The following POFUT3 variants were observed in gnomAD, a reference collection of about 807,000 sequenced individuals.
POFUT3 encodes the protein GDP-fucose protein O-fucosyltransferase 3.
chr8:33,309,548 C>A, the POFUT3 span, among the ~76,000 whole-genome samples: 1 of 152,022 alleles, frequency 6.6e-6, no homozygotes, highest in Non-Finnish European at 1.5e-5. Context: ...TCTCTGCTGA[C>A]CGGCCCAGTG....
the POFUT3 span, chr8:33,455,896 CA>C: frequency 3.4e-6 from 1 of 293,790 alleles, no homozygotes; most frequent in Non-Finnish European, 6.4e-6. Context: ...TATCCAAGGC[CA>C]AAAAAGAAAA....
chr8:33,413,070 AT>A, the POFUT3 span, among the ~76,000 whole-genome samples: 2 of 152,112 alleles, frequency 1.3e-5, no homozygotes, highest in East Asian at 1.9e-4. Context: ...TGTTCATTTC[AT>A]TTTTTTATTT....
chr8:33,368,812 T>C, the POFUT3 span, among the ~76,000 whole-genome samples: 1 of 152,360 alleles, frequency 6.6e-6, no homozygotes, highest in African/African-American at 2.4e-5. Flanking sequence ...AGAGGCTGTT[T>C]GAGTCTGATT....
chr8:33,426,175 G>T, the POFUT3 span, among the ~76,000 whole-genome samples: 1 of 152,130 alleles, frequency 6.6e-6, no homozygotes, highest in African/African-American at 2.4e-5. Context: ...AAAGTGGTGG[G>T]ATTACAGGTG....
the POFUT3 span, among the ~76,000 whole-genome samples, chr8:33,316,938 C>T: frequency 6.6e-6 from 1 of 152,058 alleles, no homozygotes; most frequent in Non-Finnish European, 1.5e-5. Context: ...TTAAAGGCAA[C>T]TTTTGAGCAA....
chr8:33,461,476 C>G, the POFUT3 span: 1 of 1,613,380 alleles, frequency 6.2e-7, no homozygotes, highest in Middle Eastern at 1.7e-4. Context: ...GGGTGACTGA[C>G]AGAGGGCTAA....
chr8:33,328,481 GC>G, the POFUT3 span, among the ~76,000 whole-genome samples: 1 of 152,174 alleles, frequency 6.6e-6, no homozygotes, highest in Non-Finnish European at 1.5e-5. Flanking sequence ...TCTGCCCAGA[GC>G]TTTTCACATG....
At chr8:33,312,954 C>T in the POFUT3 span, among the ~76,000 whole-genome samples, 402 of 152,186 alleles carry the variant, frequency 2.6e-3, 2 homozygotes, top group African/African-American at 8.0e-3. Context: ...CTTCTGCTGC[C>T]GATGTCTCAT....
the POFUT3 span, among the ~76,000 whole-genome samples, chr8:33,415,015 A>G: frequency 6.6e-6 from 1 of 151,674 alleles, no homozygotes; most frequent in Admixed American, 6.6e-5. Flanking sequence ...TAATCCCAGC[A>G]CTTTGGGAGG....
At chr8:33,371,646 G>A in the POFUT3 span, 1 of 152,166 alleles carries the variant, frequency 6.6e-6, no homozygotes, top group Admixed American at 6.6e-5. Flanking sequence ...AGATGCCCCA[G>A]ACAGGAGAGC....
At chr8:33,415,569 A>C in the POFUT3 span, among the ~76,000 whole-genome samples, 1 of 152,210 alleles carries the variant, frequency 6.6e-6, no homozygotes. Flanking sequence ...TGTGATCAAT[A>C]CACTCCCAGC....
chr8:33,379,846 AATAT>A, the POFUT3 span, among the ~76,000 whole-genome samples: 5 of 102,162 alleles, frequency 4.9e-5, no homozygotes, highest in East Asian at 2.6e-4. Context: ...AAAAAAAAAA[AATAT>A]ATATATATAT....
At chr8:33,440,471 A>G in the POFUT3 span, among the ~76,000 whole-genome samples, 2 of 152,150 alleles carry the variant, frequency 1.3e-5, no homozygotes, top group Admixed American at 6.6e-5. Flanking sequence ...TTTCTTTGCC[A>G]CTATAACCCC....
the POFUT3 span, among the ~76,000 whole-genome samples, chr8:33,418,405 G>A: frequency 4.5e-5 from 6 of 134,312 alleles, no homozygotes; most frequent in East Asian, 2.1e-4. Flanking sequence ...GGGAAAAAAG[G>A]GAACTCTTTT....
chr8:33,401,324 G>C, the POFUT3 span, among the ~76,000 whole-genome samples: 1 of 152,054 alleles, frequency 6.6e-6, no homozygotes, highest in Admixed American at 6.6e-5. Context: ...ATTAAATGGT[G>C]TGTTGATGGA....
the POFUT3 span, among the ~76,000 whole-genome samples, chr8:33,361,790 C>T: frequency 6.6e-6 from 1 of 152,140 alleles, no homozygotes; most frequent in Non-Finnish European, 1.5e-5. Flanking sequence ...GTTTTTAAGG[C>T]ATTTTTCATG....
the POFUT3 span, among the ~76,000 whole-genome samples, chr8:33,335,871 C>T: frequency 6.6e-6 from 1 of 152,056 alleles, no homozygotes; most frequent in Admixed American, 6.5e-5. Context: ...TCATGCTGAA[C>T]AGGCTGAAGA....
the POFUT3 span, among the ~76,000 whole-genome samples, chr8:33,321,757 A>G: frequency 6.6e-6 from 1 of 152,100 alleles, no homozygotes; most frequent in Admixed American, 6.6e-5. Flanking sequence ...TTGCCTACCA[A>G]AAACATGGGG....
the POFUT3 span, among the ~76,000 whole-genome samples, chr8:33,322,725 T>C: frequency 6.6e-6 from 1 of 152,158 alleles, no homozygotes; most frequent in African/African-American, 2.4e-5. Flanking sequence ...AAATGCATCA[T>C]TTGATAACGG....
Sources: allele counts gnomAD v4.1 joint callset (sites outside exome capture counted in the v4.1 genomes callset), GRCh38; gene constraint gnomAD v4.1.1; transcripts MANE v1.5; gene names NCBI Gene and HGNC (gene_info 2026-07-23, HGNC 2026-07-21).